Variants in SLC4A4 observed in about 807,000 individuals in gnomAD.
SLC4A4 encodes electrogenic sodium bicarbonate cotransporter 1.
Under a neutral mutation model 111.5 loss-of-function variants are expected in SLC4A4, and 27 were observed. The observed-to-expected ratio is 0.24, with a 90% CI of 0.18 to 0.33. The LOEUF is 0.33. SLC4A4 is among the 10% of genes least tolerant of loss of function. The pLI is 1.00. For synonymous variants in SLC4A4, 443 were observed against 463.4 expected (o/e 0.96, Z 0.57); for missense variants, 909 against 1,315.5 (o/e 0.69, Z 4.78).
At chr4:71,098,542 G>C (rs544194467) in intron 2 of SLC4A4, among the ~76,000 whole-genome samples, 4 of 152,192 alleles carry the variant, frequency 2.6e-5, no homozygotes, top group African/African-American at 7.2e-5. Flanking sequence ...TTTTAAAATA[G>C]TTTTTTCCAC....
intron 2 of SLC4A4, among the ~76,000 whole-genome samples, chr4:71,176,977 C>A (rs1002704876): frequency 1.2e-4 from 18 of 152,326 alleles, no homozygotes; most frequent in Middle Eastern, 3.4e-3. Context: ...AACAGCTGAT[C>A]TCTTGGCAGA....
At chr4:71,274,852 A>C (rs1452898) in intron 3 of SLC4A4, among the ~76,000 whole-genome samples, 38,795 of 152,098 alleles carry the variant, frequency 0.26, 7,114 homozygotes, top group African/African-American at 0.5. Context: ...TTAGGTCATA[A>C]AAAACTAGAT....
rs918772827 is a variant in SLC4A4, at chr4:71,130,234, AT to A, written c.-2+37453del. Among the ~76,000 whole-genome samples, 77 of 148,680 alleles carry A rather than the reference AT, an allele frequency of 5.2e-4. 1 individual carries two copies. The highest frequency in any genetic ancestry group is 7.5e-4 in the Non-Finnish European group (50 of 66,786). On this transcript the variant is annotated intron_variant, in intron 2 of 26. Coordinates refer to the SLC4A4 transcript ENST00000649996. ...CCAGAGTTCTCTTGTAATGTTAATT[AT>A]TTTTTTTTTTAAGAGATGAGATCTT...
intron 14 of SLC4A4, among the ~76,000 whole-genome samples, chr4:71,478,005 A>G (rs905387486): frequency 6.6e-6 from 1 of 151,944 alleles, no homozygotes; most frequent in African/African-American, 2.4e-5. Flanking sequence ...GCCAACAAAC[A>G]TGAAAAAAAG....
intron 3 of SLC4A4, among the ~76,000 whole-genome samples, chr4:71,319,579 G>A (rs1389612714): frequency 6.6e-6 from 1 of 151,814 alleles, no homozygotes; most frequent in East Asian, 1.9e-4. Context: ...TTCAATCTTT[G>A]TATTGAAAAT....
At chr4:71,515,668 A>G (rs911780975) in intron 16 of SLC4A4, among the ~76,000 whole-genome samples, 4 of 152,134 alleles carry the variant, frequency 2.6e-5, no homozygotes, top group Non-Finnish European at 5.9e-5. Context: ...GGGTGCATCT[A>G]TTTTTAGAAT....
At position 71,112,139 on chromosome 4, in the gene SLC4A4, T is replaced by C. The variant is rs542566032; in HGVS notation, c.-2+19347T>C. On this transcript the variant is annotated intron_variant, in intron 2 of 26. Coordinates refer to the SLC4A4 transcript ENST00000649996. ...AGTTTTGGCTATCTTCCTTCCACTCTGGCTGCTATGGCACCAGATTTCTGC... is the reference window on the plus strand; with the variant it reads ...AGTTTTGGCTATCTTCCTTCCACTCCGGCTGCTATGGCACCAGATTTCTGC... Among the ~76,000 whole-genome samples, 11 of 152,366 alleles carry C rather than the reference T, an allele frequency of 7.2e-5. No homozygotes were observed. In the South Asian group the frequency reaches 1.9e-3, roughly 26 times the overall value.
At chr4:71,558,915 T>C (rs1436709288) in intron 22 of SLC4A4, among the ~76,000 whole-genome samples, 1 of 151,804 alleles carries the variant, frequency 6.6e-6, no homozygotes, top group African/African-American at 2.4e-5. Context: ...TGAGAAACAC[T>C]CAAATATACC....
At chr4:71,301,941 G>C (rs2148841428) in intron 3 of SLC4A4, among the ~76,000 whole-genome samples, 1 of 152,332 alleles carries the variant, frequency 6.6e-6, no homozygotes, top group Non-Finnish European at 1.5e-5. Context: ...AACTTCTGAA[G>C]AGCACTTTCT....
At position 71,261,879 on chromosome 4, in the gene SLC4A4, G is replaced by C. The variant is rs867688002; in HGVS notation, c.253+6480G>C. Among the ~76,000 whole-genome samples the C allele has an allele frequency of 7.2e-5, 11 of 152,268 alleles. No individual in the cohort carries two copies. The Middle Eastern group carries it at 0.014, about 188-fold the overall frequency. On this transcript the variant is annotated intron_variant, in intron 3 of 25. Transcript: ENST00000264485. ...CTTATGAGTTCAGGAGACCTCAAAGGGTTCTAGTGTACTCCACGTGCTGGG... is the reference window on the plus strand; with the variant it reads ...CTTATGAGTTCAGGAGACCTCAAAGCGTTCTAGTGTACTCCACGTGCTGGG...
At chr4:71,347,095 G>T (rs1002783864) in intron 4 of SLC4A4, among the ~76,000 whole-genome samples, 1 of 152,034 alleles carries the variant, frequency 6.6e-6, no homozygotes, top group African/African-American at 2.4e-5. Flanking sequence ...AGAAGGGTGA[G>T]TAATACTATT....
chr4:71,457,329 C>A (rs1475281398), intron 12 of SLC4A4, among the ~76,000 whole-genome samples: 1 of 152,172 alleles, frequency 6.6e-6, no homozygotes, highest in Non-Finnish European at 1.5e-5. Flanking sequence ...TAGATGATTG[C>A]ATGAATTCAC....
At chr4:71,169,391 T>C (rs1744877148) in intron 2 of SLC4A4, among the ~76,000 whole-genome samples, 1 of 152,106 alleles carries the variant, frequency 6.6e-6, no homozygotes, top group Non-Finnish European at 1.5e-5. Flanking sequence ...ATAAAAGCCA[T>C]TTTAATTGGG....
chr4:71,176,291 T>C (rs1449228532), intron 2 of SLC4A4, among the ~76,000 whole-genome samples: 2 of 152,204 alleles, frequency 1.3e-5, no homozygotes, highest in South Asian at 2.1e-4. Flanking sequence ...TCCAGAGGAA[T>C]GCAGCTCCTC....
At chr4:71,326,735 G>A (rs1462066474) in intron 3 of SLC4A4, among the ~76,000 whole-genome samples, 1 of 151,990 alleles carries the variant, frequency 6.6e-6, no homozygotes, top group Non-Finnish European at 1.5e-5. Flanking sequence ...GTTTAGGTCT[G>A]AGCACCTGAG....
chr4:71,069,019 A>G (rs1052315213), intron 1 of SLC4A4, among the ~76,000 whole-genome samples: 3 of 152,220 alleles, frequency 2.0e-5, no homozygotes, highest in Non-Finnish European at 4.4e-5. Context: ...GACATTCCCA[A>G]CTGGTTCCAT....
chr4:71,238,019 C>G (rs1719930353), intron 2 of SLC4A4, among the ~76,000 whole-genome samples: 1 of 152,104 alleles, frequency 6.6e-6, no homozygotes, highest in African/African-American at 2.4e-5. Context: ...ATTTTAGTGA[C>G]TCTGTCACTG....
chr4:71,546,152 G>C (rs6811463), intron 18 of SLC4A4, among the ~76,000 whole-genome samples, 198 bp from the exon 19 acceptor site: 1 of 152,008 alleles, frequency 6.6e-6, no homozygotes, highest in Non-Finnish European at 1.5e-5. Flanking sequence ...CTCTACCATA[G>C]CAGCTATAAG....
chr4:71,570,946 GA>G lies in SLC4A4; in HGVS notation c.*3197del, dbSNP rs1485826910. 5 of 152,140 alleles carry G rather than the reference GA, an allele frequency of 3.3e-5. No homozygotes were observed. The highest frequency in any genetic ancestry group is 1.2e-4 in the African/African-American group (5 of 41,390). The allele number at this position is 152,140 out of a possible 1,614,324, so 9.4% of individuals were successfully genotyped here. ...TGGGGAGAGGACTTAACTGACTTAA[GA>G]AGTAGGAAAACAAAAACCTCTCTCC... On this transcript the variant is annotated 3_prime_UTR_variant, in exon 26 of 26. Transcript: ENST00000264485.
Sources: allele counts gnomAD v4.1 joint callset (sites outside exome capture counted in the v4.1 genomes callset), GRCh38; gene constraint gnomAD v4.1.1; transcripts MANE v1.5; gene names NCBI Gene and HGNC (gene_info 2026-07-23, HGNC 2026-07-21).